The following SLCO2A1 variants were observed in gnomAD, a reference collection of about 807,000 sequenced individuals.
The protein encoded by SLCO2A1 is matrin F/G 1.
SLCO2A1 carries 60 observed loss-of-function variants against 71.7 expected under a neutral mutation model. The observed-to-expected ratio is 0.84, with a 90% CI of 0.68 to 1.04. The LOEUF (loss-of-function observed/expected upper bound fraction) is 1.04, where lower values mean the gene tolerates loss of function less well. Among genes scored for constraint, SLCO2A1 ranks in the 50% least tolerant of loss-of-function variants. The pLI is 0.00. For missense variants in SLCO2A1, 745 were observed against 813.4 expected, an observed-to-expected ratio of 0.92 and a Z score of 1.02; for synonymous variants, 308 against 326.7, an observed-to-expected ratio of 0.94 and a Z score of 0.62.
At position 133,932,903 on chromosome 3, in the gene SLCO2A1, T is replaced by A. The variant is rs1559925189; in HGVS notation, c.*1810A>T. On this transcript the variant is annotated 3_prime_UTR_variant, in exon 14 of 14. Coordinates refer to ENST00000310926, the MANE Select transcript of SLCO2A1 (RefSeq NM_005630.3). ...ATTTTCCAAGCAGAACCATTTCAAA[T>A]GCTAAAACTGGCCCCTGAGGTTACA... 6.6e-6 allele frequency: 1 copy of A among 152,564 alleles called. No homozygotes were observed. Among genetic ancestry groups the A allele is most frequent in the Non-Finnish European group, 1.5e-5 (1 of 68,034 alleles). The allele number at this position is 152,564 out of a possible 1,614,324, so 9.5% of individuals were successfully genotyped here.
chr3:134,015,525 T>C lies in SLCO2A1; in HGVS notation c.96+14182A>G, dbSNP rs750745517. Among the ~76,000 whole-genome samples the C allele has an allele frequency of 2.6e-4, 39 of 152,162 alleles. 2 individuals are homozygous for C. Among genetic ancestry groups the C allele is most frequent in the South Asian group, 2.1e-4 (1 of 4,826 alleles). Reference sequence around the variant, plus strand: ...GGAATAGATTTTGAGATCTGTTGCATAGCAGAGTGACTATAGTCAACAATA... The same window carrying C: ...GGAATAGATTTTGAGATCTGTTGCACAGCAGAGTGACTATAGTCAACAATA... On this transcript the variant is annotated intron_variant, in intron 1 of 13. Transcript: ENST00000310926.
intron 1 of SLCO2A1, among the ~76,000 whole-genome samples, chr3:134,024,778 T>C (rs1445720746): frequency 6.6e-6 from 1 of 152,108 alleles, no homozygotes; most frequent in African/African-American, 2.4e-5. Context: ...CCAAAGGACA[T>C]CATTAGTTAA....
At chr3:133,966,990 A>T (rs374046539) in intron 3 of SLCO2A1, among the ~76,000 whole-genome samples, 27 of 152,322 alleles carry the variant, frequency 1.8e-4, no homozygotes, top group African/African-American at 6.0e-4. Context: ...GGATGCCCAA[A>T]GCCACTGGAA....
At chr3:133,953,907 C>A in intron 4 of SLCO2A1, 146 bp from the exon 5 acceptor site, 1 of 664,848 alleles carries the variant, frequency 1.5e-6, no homozygotes. Context: ...CTCCCACCAG[C>A]AAGGCCAGAA....
rs776950947 is a variant in SLCO2A1 at position 133,951,231 on chromosome 3, G to C, written c.838C>G (p.Arg280Gly). ...ACCTTTGCTCCTATGGGCATTGCTC[G>C]AGGGAAGAAAAAAAAGGGGAAAGAG... ...LTSFPFFFFP[R>G]AMPIGAKRAP... The change falls in exon 6 of 14, where the codon CGA becomes GGA. Residue 280 changes from arginine to glycine, a missense_variant. Coordinates refer to ENST00000310926, the MANE Select transcript of SLCO2A1 (RefSeq NM_005630.3). The C allele has an allele frequency of 6.2e-7, 1 of 1,613,934 alleles. No homozygotes were observed. The highest frequency in any genetic ancestry group is 1.7e-5 in the Admixed American group (1 of 60,018).
intron 1 of SLCO2A1, among the ~76,000 whole-genome samples, chr3:133,981,974 C>CAAAAAA (rs34863339): frequency 1.1e-4 from 12 of 109,806 alleles, no homozygotes; most frequent in African/African-American, 4.6e-4. Context: ...GACTCCGTCT[C>CAAAAAA]AAAAAAAAAA....
At chr3:133,995,621 T>C (rs1450858988) in intron 1 of SLCO2A1, among the ~76,000 whole-genome samples, 2 of 152,134 alleles carry the variant, frequency 1.3e-5, no homozygotes, top group African/African-American at 4.8e-5. Context: ...GAGCCCAGAT[T>C]GCAATTACAA....
chr3:133,961,399 AC>A (rs1559936849), intron 3 of SLCO2A1, among the ~76,000 whole-genome samples: 1 of 152,182 alleles, frequency 6.6e-6, no homozygotes, highest in Non-Finnish European at 1.5e-5. Flanking sequence ...TCTTGATTCT[AC>A]TGATTCTCAT....
intron 3 of SLCO2A1, among the ~76,000 whole-genome samples, chr3:133,973,368 T>G (rs1224491401): frequency 6.6e-6 from 1 of 152,208 alleles, no homozygotes; most frequent in African/African-American, 2.4e-5. Flanking sequence ...GCTTTGATCC[T>G]CCTCCTGCCA....
intron 1 of SLCO2A1, among the ~76,000 whole-genome samples, chr3:134,022,392 T>C (rs1255311898): frequency 1.3e-5 from 2 of 152,178 alleles, no homozygotes; most frequent in African/African-American, 4.8e-5. Flanking sequence ...GGCATAAGAA[T>C]GTACATTTTT....
At chr3:133,952,482 T>C (rs1290160873) in intron 5 of SLCO2A1, among the ~76,000 whole-genome samples, 3 of 152,056 alleles carry the variant, frequency 2.0e-5, no homozygotes, top group Non-Finnish European at 4.4e-5. Context: ...ACCCACACAC[T>C]CCCCACATTC....
At chr3:134,025,489 C>T (rs1935684709) in intron 1 of SLCO2A1, among the ~76,000 whole-genome samples, 1 of 152,086 alleles carries the variant, frequency 6.6e-6, no homozygotes, top group African/African-American at 2.4e-5. Flanking sequence ...AACGAGTCAT[C>T]TTAAAATTTG....
intron 1 of SLCO2A1, among the ~76,000 whole-genome samples, chr3:134,014,899 A>G (rs1461485190): frequency 6.6e-6 from 1 of 152,202 alleles, no homozygotes; most frequent in Admixed American, 6.5e-5. Context: ...GAAAAAATTT[A>G]GGAACATAGA....
chr3:133,947,192 A>C (rs575550953), intron 9 of SLCO2A1, 64 bp downstream of exon 9: 2 of 1,398,538 alleles, frequency 1.4e-6, no homozygotes, highest in African/African-American at 2.9e-5. Flanking sequence ...AGGAAGATGT[A>C]TAACAGCCAG....
intron 1 of SLCO2A1, among the ~76,000 whole-genome samples, chr3:133,995,246 T>G (rs1450884037): frequency 2.0e-5 from 3 of 152,110 alleles, no homozygotes; most frequent in African/African-American, 7.2e-5. Flanking sequence ...ATATAGTGTG[T>G]CAGCATGATC....
At chr3:133,978,920 G>A (rs11714164) in intron 2 of SLCO2A1, among the ~76,000 whole-genome samples, 3 of 152,120 alleles carry the variant, frequency 2.0e-5, no homozygotes, top group Non-Finnish European at 1.5e-5. Flanking sequence ...GGCAGGAAAT[G>A]CTCGGAGGCC....
At chr3:133,940,630 G>T (rs1237430196) in intron 11 of SLCO2A1, among the ~76,000 whole-genome samples, 2 of 152,154 alleles carry the variant, frequency 1.3e-5, no homozygotes, top group South Asian at 2.1e-4. Context: ...GTCCACTGTG[G>T]TCCATCTGAC....
chr3:133,939,762 G>A (rs1933367612), intron 11 of SLCO2A1, among the ~76,000 whole-genome samples: 1 of 152,098 alleles, frequency 6.6e-6, no homozygotes, highest in African/African-American at 2.4e-5. Flanking sequence ...AACGGGACTT[G>A]GCCACCCCAA....
intron 3 of SLCO2A1, among the ~76,000 whole-genome samples, chr3:133,970,357 T>C (rs925556869): frequency 6.6e-6 from 1 of 152,216 alleles, no homozygotes; most frequent in Admixed American, 6.5e-5. Flanking sequence ...AGATTCAGAC[T>C]GAGGACTGCC....
Sources: gnomAD v4.1 joint callset for allele counts (sites outside exome capture counted in the v4.1 genomes callset) on GRCh38, gnomAD v4.1.1 for gene constraint, MANE v1.5 for transcripts, NCBI Gene and HGNC (gene_info 2026-07-23, HGNC 2026-07-21) for gene names.